ITPR2: variants seen among roughly 807,000 people sequenced by gnomAD.
ITPR2 encodes the protein inositol 1,4,5-trisphosphate receptor type 2, also known as inositol 1,4,5-trisphosphate-gated calcium channel ITPR2.
A neutral mutation model predicts 317.1 loss-of-function variants in ITPR2; 207 were observed. That is an observed-to-expected ratio of 0.65 (90% confidence interval 0.58 to 0.73). ITPR2 has a LOEUF of 0.73. Ranked by LOEUF, ITPR2 falls within the 30% of genes least tolerant of loss-of-function variation. The probability of loss-of-function intolerance (pLI) is 0.00; values close to 1 mark genes in which losing one functional copy is unlikely to be tolerated. For synonymous variants in ITPR2, 1,156 were observed against 1,149.1 expected, an observed-to-expected ratio of 1.01 and a Z score of -0.12; for missense variants, 2,613 against 3,284.0, an observed-to-expected ratio of 0.80 and a Z score of 4.99.
At position 26,831,097 on chromosome 12, in the gene ITPR2, G is replaced by A. The variant is rs1372386198; in HGVS notation, c.92+1593C>T. On this transcript the variant is annotated intron_variant, in intron 1 of 56. Coordinates refer to ENST00000381340, the MANE Select transcript of ITPR2 (RefSeq NM_002223.4). The surrounding 1 kb of genome is among the most constrained non-coding windows in gnomAD (Gnocchi z 4.9). ...ACACACACCTGGAGAGTCTACGGAG[G>A]GTGAAGAGCAGCAGAGTCCACCTGC... Among the ~76,000 whole-genome samples, 5 of 152,082 alleles carry A rather than the reference G, an allele frequency of 3.3e-5. No individual in the cohort carries two copies. In the East Asian group the frequency reaches 9.6e-4, roughly 29 times the overall value.
intron 16 of ITPR2, among the ~76,000 whole-genome samples, chr12:26,658,887 G>A (rs76060979): frequency 0.084 from 12,799 of 152,134 alleles, 595 homozygotes; most frequent in Middle Eastern, 0.14. Flanking sequence ...AAAATCATGA[G>A]GATTCAGAGT....
At chr12:26,788,694 A>G (rs773581947) in intron 2 of ITPR2, among the ~76,000 whole-genome samples, 2 of 152,110 alleles carry the variant, frequency 1.3e-5, no homozygotes, top group African/African-American at 4.8e-5. Flanking sequence ...TCAGTTAGAC[A>G]CTGCGGGACC....
At chr12:26,564,164 G>C (rs557113525) in intron 34 of ITPR2, among the ~76,000 whole-genome samples, 1 of 152,260 alleles carries the variant, frequency 6.6e-6, no homozygotes, top group African/African-American at 2.4e-5. Flanking sequence ...TGGAAAGGAA[G>C]TCAAGGAATC....
At chr12:26,509,958 T>TTGTGTGTGTGTGTGTGTGTGTGTGTG in intron 37 of ITPR2, among the ~76,000 whole-genome samples, 1 of 53,196 alleles carries the variant, frequency 1.9e-5, no homozygotes, top group South Asian at 9.4e-4. Flanking sequence ...GATAAGGGTT[T>TTGTGTGTGTGTGTGTGTGTGTGTGTG]TGTGTGTGTG....
intron 2 of ITPR2, among the ~76,000 whole-genome samples, chr12:26,726,994 A>G (rs1677749439): frequency 2.0e-5 from 3 of 152,168 alleles, no homozygotes; most frequent in Admixed American, 2.0e-4. Context: ...GGGTACTGAT[A>G]TGGATAAGTA....
At chr12:26,555,990 T>G (rs1017036816) in intron 36 of ITPR2, among the ~76,000 whole-genome samples, 1 of 152,242 alleles carries the variant, frequency 6.6e-6, no homozygotes, top group Admixed American at 6.5e-5. Flanking sequence ...CATGATACTT[T>G]GTGCCCCATA....
intron 34 of ITPR2, among the ~76,000 whole-genome samples, chr12:26,577,014 C>T (rs1945293825): frequency 6.6e-6 from 1 of 152,210 alleles, no homozygotes; most frequent in African/African-American, 2.4e-5. Context: ...TCCTCTCTTG[C>T]CTTCCACCTT....
chr12:26,811,711 G>A (rs1484104161), intron 1 of ITPR2, among the ~76,000 whole-genome samples: 5 of 148,648 alleles, frequency 3.4e-5, no homozygotes, highest in Admixed American at 2.0e-4. Context: ...AAAATTAGCC[G>A]GGCGTGGTGG....
chr12:26,408,018 CAACTT>C (rs1204345344), intron 52 of ITPR2, among the ~76,000 whole-genome samples: 1 of 152,192 alleles, frequency 6.6e-6, no homozygotes, highest in Non-Finnish European at 1.5e-5. Context: ...CTCCAAGTCT[CAACTT>C]AAGTAATTCC....
At chr12:26,684,101 A>G (rs1366208488) in intron 11 of ITPR2, among the ~76,000 whole-genome samples, 1 of 152,242 alleles carries the variant, frequency 6.6e-6, no homozygotes, top group African/African-American at 2.4e-5. Flanking sequence ...CAGTTCTCCA[A>G]TCTTTGTTCA....
intron 1 of ITPR2, among the ~76,000 whole-genome samples, chr12:26,796,666 C>G (rs185882094): frequency 6.6e-6 from 1 of 152,024 alleles, no homozygotes; most frequent in Non-Finnish European, 1.5e-5. Flanking sequence ...AGAGTGTTCA[C>G]GGCAAAACTG....
Position 26,415,310 on chromosome 12 carries a change from A to G in ITPR2, c.7299T>C (p.Pro2433=), listed in dbSNP as rs375155369. The change falls in exon 51 of 57, where the codon CCT becomes CCC. Residue 2433 remains proline (P), a synonymous_variant. Coordinates refer to ENST00000381340, the MANE Select transcript of ITPR2 (RefSeq NM_002223.4). ...MEVDRLKNRT[P]VTGSHQVPTM... ...TAGTGGTAATAGCAATACCTGTAACAGGAGTTCGGTTTTTCAGCCTATCAA... is the reference window on the plus strand; with the variant it reads ...TAGTGGTAATAGCAATACCTGTAACGGGAGTTCGGTTTTTCAGCCTATCAA... 2 of 1,600,944 alleles carry G rather than the reference A, an allele frequency of 1.2e-6. No individual in the cohort carries two copies. The highest frequency in any genetic ancestry group is 2.7e-5 in the African/African-American group (2 of 74,060).
At chr12:26,354,560 A>G (rs1938574225) in intron 55 of ITPR2, among the ~76,000 whole-genome samples, 2 of 152,168 alleles carry the variant, frequency 1.3e-5, no homozygotes, top group African/African-American at 4.8e-5. Context: ...AGTCCCTGAC[A>G]TTGCCATTTT....
At chr12:26,391,436 G>T (rs1939832643) in intron 54 of ITPR2, among the ~76,000 whole-genome samples, 1 of 152,024 alleles carries the variant, frequency 6.6e-6, no homozygotes. Context: ...GTGGCAGAAA[G>T]GGAACATTTG....
intron 48 of ITPR2, among the ~76,000 whole-genome samples, chr12:26,433,185 T>C (rs1056993544): frequency 6.6e-6 from 1 of 152,198 alleles, no homozygotes; most frequent in Non-Finnish European, 1.5e-5. Flanking sequence ...AGACATAACC[T>C]TGGGGTTTGA....
chr12:26,678,573 A>G (rs1947964274), intron 13 of ITPR2, among the ~76,000 whole-genome samples: 1 of 152,240 alleles, frequency 6.6e-6, no homozygotes, highest in South Asian at 2.1e-4. Flanking sequence ...ATATAAATGC[A>G]TTCAACTCTG....
intron 5 of ITPR2, among the ~76,000 whole-genome samples, chr12:26,717,446 CAAAG>C (rs1304220214): frequency 6.6e-6 from 1 of 152,168 alleles, no homozygotes; most frequent in East Asian, 1.9e-4. Context: ...ACCAACCAAA[CAAAG>C]AAAGGTTGTG....
At chr12:26,414,050 T>TACACACACACACACACACACACAC (rs777855580) in intron 51 of ITPR2, among the ~76,000 whole-genome samples, 44 of 138,200 alleles carry the variant, frequency 3.2e-4, no homozygotes, top group African/African-American at 1.2e-3. Context: ...TGTATATATG[T>TACACACACACACACACACACACAC]ACACACACAC....
intron 55 of ITPR2, among the ~76,000 whole-genome samples, chr12:26,360,195 A>T (rs977115884): frequency 1.3e-5 from 2 of 152,160 alleles, no homozygotes; most frequent in Non-Finnish European, 2.9e-5. Context: ...GCAAGCTCTG[A>T]GGCTTTGTTC....
Sources: gnomAD v4.1 joint callset for allele counts (sites outside exome capture counted in the v4.1 genomes callset) on GRCh38, gnomAD v4.1.1 for gene constraint, Gnocchi (gnomAD v3.1) non-coding constraint, MANE v1.5 for transcripts, NCBI Gene and HGNC (gene_info 2026-07-23, HGNC 2026-07-21) for gene names.